Variants in ZEB1 observed in about 807,000 individuals in gnomAD.
The protein encoded by ZEB1 is zinc finger E-box-binding homeobox 1.
ZEB1 carries 21 observed loss-of-function variants against 84.9 expected under a neutral mutation model. The observed-to-expected ratio is 0.25, with a 90% CI of 0.18 to 0.36. The LOEUF is 0.36. ZEB1 is among the 10% of genes least tolerant of loss of function. The pLI is 1.00. For synonymous variants in ZEB1, 420 were observed against 471.1 expected (o/e 0.89, Z 1.41); for missense variants, 1,104 against 1,330.2 (o/e 0.83, Z 2.65).
intron 1 of ZEB1, among the ~76,000 whole-genome samples, chr10:31,348,981 T>C (rs1453019278): frequency 6.6e-6 from 1 of 152,182 alleles, no homozygotes; most frequent in Non-Finnish European, 1.5e-5. Context: ...GTGTACAGTA[T>C]ATTAACTGTA....
chr10:31,322,499 A>G (rs1258895232), intron 1 of ZEB1, among the ~76,000 whole-genome samples: 1 of 152,218 alleles, frequency 6.6e-6, no homozygotes, highest in Non-Finnish European at 1.5e-5. Context: ...CCTTTCTGGA[A>G]TATGTCTGAA....
intron 1 of ZEB1, among the ~76,000 whole-genome samples, chr10:31,337,683 GTTTTTTTTT>G (rs756379165): frequency 2.0e-5 from 2 of 98,842 alleles, no homozygotes; most frequent in Non-Finnish European, 4.0e-5. Flanking sequence ...ATTTCTTTCT[GTTTTTTTTT>G]TTTTTTTTTT....
intron 2 of ZEB1, among the ~76,000 whole-genome samples, chr10:31,475,883 G>A (rs1260365211): frequency 6.6e-6 from 1 of 151,978 alleles, no homozygotes; most frequent in Non-Finnish European, 1.5e-5. Flanking sequence ...ACACAACTGA[G>A]ACTCCAAGGC....
Position 31,435,671 on chromosome 10 carries a change from CA to C in ZEB1, c.59-25363del, listed in dbSNP as rs35419084. ...TGGAGTAGAGAAGGCTTGCCATTTA[CA>C]AAGAACAAAAACAGGTCATTTAGCG... On this transcript the variant is annotated intron_variant, in intron 1 of 8. Coordinates refer to ENST00000424869, the MANE Select transcript of ZEB1 (RefSeq NM_001174096.2). 4.9e-3 allele frequency among the ~76,000 whole-genome samples: 751 copies of C among 152,038 alleles called. 8 individuals are homozygous for C. The highest frequency in any genetic ancestry group is 9.0e-3 in the Non-Finnish European group (615 of 67,982).
chr10:31,529,687 A>G lies in ZEB1; in HGVS notation c.*2423A>G, dbSNP rs1388334477. 2.0e-5 allele frequency: 3 copies of G among 152,150 alleles called. No homozygotes were observed. Among genetic ancestry groups the G allele is most frequent in the Non-Finnish European group, 4.4e-5 (3 of 68,016 alleles). The allele number at this position is 152,150 out of a possible 1,614,324, so 9.4% of individuals were successfully genotyped here. A position where few individuals can be genotyped will look rare whatever the true frequency, so the allele number is the denominator to read the frequency against. On this transcript the variant is annotated 3_prime_UTR_variant, in exon 9 of 9. Coordinates refer to ENST00000424869, the MANE Select transcript of ZEB1 (RefSeq NM_001174096.2). ...GTTTATGGAGCTCAGCTATGTTCTCACTTTTTTTGCTTCTAATTCCAGAAT... is the reference window on the plus strand; with the variant it reads ...GTTTATGGAGCTCAGCTATGTTCTCGCTTTTTTTGCTTCTAATTCCAGAAT...
intron 1 of ZEB1, among the ~76,000 whole-genome samples, chr10:31,402,677 A>G (rs903988183): frequency 1.3e-5 from 2 of 151,838 alleles, no homozygotes; most frequent in Non-Finnish European, 2.9e-5. Flanking sequence ...CTGTTTCTTC[A>G]TGATTGCTGT....
Position 31,421,143 on chromosome 10 carries a change from C to G in ZEB1, c.59-39894C>G, listed in dbSNP as rs554410689. Among the ~76,000 whole-genome samples, 4 of 152,220 alleles carry G rather than the reference C, an allele frequency of 2.6e-5. No individual in the cohort carries two copies. The South Asian group carries it at 6.2e-4, about 24-fold the overall frequency. On this transcript the variant is annotated intron_variant, in intron 1 of 8. Coordinates refer to ENST00000424869, the MANE Select transcript of ZEB1 (RefSeq NM_001174096.2). ...GAGAGTGACTGATTTTAGCTCCAGC[C>G]ACTCCAGGTAGGGAAAACTGTGCAT...
At chr10:31,411,362 C>A (rs1346194727) in intron 1 of ZEB1, among the ~76,000 whole-genome samples, 2 of 152,188 alleles carry the variant, frequency 1.3e-5, no homozygotes, top group African/African-American at 4.8e-5. Context: ...ACAGTTAAAG[C>A]AGCTCACGCC....
intron 1 of ZEB1, among the ~76,000 whole-genome samples, chr10:31,342,053 G>A (rs939037741): frequency 2.0e-5 from 3 of 152,126 alleles, no homozygotes; most frequent in South Asian, 2.1e-4. Flanking sequence ...TATTCTTTAC[G>A]TATATTAACT....
intron 3 of ZEB1, among the ~76,000 whole-genome samples, chr10:31,501,629 C>T (rs888230097): frequency 6.6e-6 from 1 of 152,012 alleles, no homozygotes; most frequent in African/African-American, 2.4e-5. Flanking sequence ...GCTCCCCCCC[C>T]CATTATCTGT....
chr10:31,419,498 G>A (rs2055785496), intron 1 of ZEB1, among the ~76,000 whole-genome samples: 1 of 152,128 alleles, frequency 6.6e-6, no homozygotes, highest in South Asian at 2.1e-4. Context: ...GGTAGAATGA[G>A]TGAGTATGGG....
chr10:31,352,085 A>G lies in ZEB1; in HGVS notation c.58+32793A>G, dbSNP rs1472974416. On this transcript the variant is annotated intron_variant, in intron 1 of 8. Transcript: ENST00000424869. ...AATACATAGGATACAAATCAAATAT[A>G]TGAGCTTTATTTTGATATAATCAGA... Among the ~76,000 whole-genome samples, 4 of 152,332 alleles carry G rather than the reference A, an allele frequency of 2.6e-5. No individual in the cohort carries two copies. In the East Asian group the frequency reaches 7.7e-4, roughly 29 times the overall value.
intron 2 of ZEB1, among the ~76,000 whole-genome samples, chr10:31,477,502 A>T (rs1428435949): frequency 6.6e-6 from 1 of 152,106 alleles, no homozygotes; most frequent in Non-Finnish European, 1.5e-5. Context: ...GAATTAGAAA[A>T]AACAATCCTG....
rs1564542075 is a variant in ZEB1, at chr10:31,348,611, CAGAT to C, written c.58+29323_58+29326del. Among the ~76,000 whole-genome samples the C allele has an allele frequency of 3.3e-5, 5 of 151,982 alleles. No individual in the cohort carries two copies. The South Asian group carries it at 6.3e-4, about 19-fold the overall frequency. ...AAAATAGAGTCCCATAAAATTATGTCAGATAGACACTCCTCCTGAGACTTAGGGA... is the reference window on the plus strand; with the variant it reads ...AAAATAGAGTCCCATAAAATTATGTCAGACACTCCTCCTGAGACTTAGGGA... On this transcript the variant is annotated intron_variant, in intron 1 of 8. Transcript: ENST00000424869.
intron 1 of ZEB1, among the ~76,000 whole-genome samples, chr10:31,415,020 A>G (rs1046435672): frequency 6.6e-6 from 1 of 152,178 alleles, no homozygotes; most frequent in South Asian, 2.1e-4. Flanking sequence ...ATTTCATTCA[A>G]TTCAAATTAT....
intron 1 of ZEB1, among the ~76,000 whole-genome samples, chr10:31,418,793 A>G (rs1171855511): frequency 3.3e-5 from 5 of 152,140 alleles, no homozygotes; most frequent in Admixed American, 6.6e-5. Flanking sequence ...TTCAACAAAA[A>G]TGTGTATACA....
At chr10:31,439,076 A>G (rs2058604060) in intron 1 of ZEB1, among the ~76,000 whole-genome samples, 1 of 152,178 alleles carries the variant, frequency 6.6e-6, no homozygotes. Flanking sequence ...AGCCAGAAAA[A>G]CAAGTCACTC....
intron 1 of ZEB1, among the ~76,000 whole-genome samples, chr10:31,366,728 C>T (rs746683476): frequency 1.3e-5 from 2 of 152,186 alleles, no homozygotes; most frequent in Admixed American, 1.3e-4. Context: ...AAATCTTAGT[C>T]ATTATGAGGT....
chr10:31,402,282 T>G (rs2052192697), intron 1 of ZEB1, among the ~76,000 whole-genome samples: 1 of 152,142 alleles, frequency 6.6e-6, no homozygotes, highest in Non-Finnish European at 1.5e-5. Flanking sequence ...CAGTACTATT[T>G]GCCTTCTGAT....
Sources: allele counts gnomAD v4.1 joint callset (sites outside exome capture counted in the v4.1 genomes callset), GRCh38; gene constraint gnomAD v4.1.1; transcripts MANE v1.5; gene names NCBI Gene and HGNC (gene_info 2026-07-23, HGNC 2026-07-21).